The following TPCN2 variants were observed in gnomAD, a reference collection of about 807,000 sequenced individuals.
The protein encoded by TPCN2 is two pore channel protein 2.
TPCN2 carries 92 observed loss-of-function variants against 111.4 expected under a neutral mutation model. The ratio of observed to expected loss-of-function variants is 0.83; its 90% confidence interval spans 0.70 to 0.98. The LOEUF is 0.98. Ranked by LOEUF, TPCN2 falls within the 50% of genes least tolerant of loss-of-function variation. The pLI is 0.00. For synonymous variants in TPCN2, 405 were observed against 414.5 expected (o/e 0.98, Z 0.28); for missense variants, 995 against 980.1 (o/e 1.02, Z -0.20).
rs1208370418 is a variant in TPCN2 at position 69,071,439 on chromosome 11, G to T, written c.960+19G>T. 6.2e-7 allele frequency: 1 copy of T among 1,607,542 alleles called. No individual in the cohort carries two copies. The highest frequency in any genetic ancestry group is 1.1e-5 in the South Asian group (1 of 90,078). On this transcript the variant is annotated intron_variant, in intron 10 of 24. Coordinates refer to ENST00000294309, the MANE Select transcript of TPCN2 (RefSeq NM_139075.4). ...CCTGATGGTGAGCGAGCTCCCCAAT[G>T]CTGGCTGTGCCTGGAGCTGCCGGGA...
At chr11:69,050,672 C>T (rs1294438165) in intron 1 of TPCN2, among the ~76,000 whole-genome samples, 1 of 152,250 alleles carries the variant, frequency 6.6e-6, no homozygotes, top group Non-Finnish European at 1.5e-5. Context: ...GCCACTGTGC[C>T]TGGCCATGCT....
At position 69,085,206 on chromosome 11, in the gene TPCN2, C is replaced by A. The variant is rs140673036; in HGVS notation, c.1762-4C>A. 5,528 of 1,614,006 alleles carry A rather than the reference C, an allele frequency of 3.4e-3. 10 individuals are homozygous for A. The highest frequency in any genetic ancestry group is 4.6e-3 in the Middle Eastern group (28 of 6,058). ...TGATCAGTCCCCGGCTCCTGGCCCG[C>A]CAGGTGGTCTACTACGTATTTGCCA... On this transcript the variant is annotated splice_region_variant and splice_polypyrimidine_tract_variant and intron_variant, in intron 19 of 24. Coordinates refer to ENST00000294309, the MANE Select transcript of TPCN2 (RefSeq NM_139075.4).
chr11:69,077,546 G>T (rs866420600), intron 13 of TPCN2, among the ~76,000 whole-genome samples: 2 of 152,276 alleles, frequency 1.3e-5, no homozygotes, highest in South Asian at 2.1e-4. Context: ...ACCAGTTTGG[G>T]TCTCACTGGA....
chr11:69,071,801 A>C, intron 10 of TPCN2, 122 bp from the exon 11 acceptor site: 6 of 851,588 alleles, frequency 7.0e-6, no homozygotes, highest in Non-Finnish European at 9.4e-6. Flanking sequence ...GCTGTGGGGA[A>C]CTGGGCCCCC....
chr11:69,065,097 G>A (rs1275223779), intron 7 of TPCN2, among the ~76,000 whole-genome samples: 1 of 151,804 alleles, frequency 6.6e-6, no homozygotes, highest in African/African-American at 2.4e-5. Context: ...ATGTCTCTGC[G>A]TGCGTGGTGT....
chr11:69,066,355 C>T (rs1855273605), intron 7 of TPCN2, among the ~76,000 whole-genome samples: 1 of 152,190 alleles, frequency 6.6e-6, no homozygotes, highest in Admixed American at 6.5e-5. Context: ...CCTAGCTCTC[C>T]CCAGCAGGGG....
chr11:69,062,101 T>A (rs1353483251), intron 5 of TPCN2, among the ~76,000 whole-genome samples: 1 of 152,028 alleles, frequency 6.6e-6, no homozygotes, highest in Non-Finnish European at 1.5e-5. Context: ...AAGCATCCAC[T>A]CATGGCAGAA....
rs1388958284 is a variant in TPCN2, at chr11:69,083,964, GTAC to G, written c.1710_1712del (p.Thr571del). On this transcript the variant is annotated inframe_deletion, in exon 19 of 25. Coordinates refer to ENST00000294309, the MANE Select transcript of TPCN2 (RefSeq NM_139075.4). ...CCTCAGCTGATGGCCGTGGTGGCCA[GTAC>G]CGTCCTGGGCCTGGTGCAGAACATG... 1 of 1,614,212 alleles carries G rather than the reference GTAC, an allele frequency of 6.2e-7. No homozygotes were observed.
intron 7 of TPCN2, among the ~76,000 whole-genome samples, chr11:69,064,952 CATGTGTAGTGTCTGT>C (rs1481083121): frequency 8.3e-6 from 1 of 120,700 alleles, no homozygotes; most frequent in East Asian, 2.2e-4. Context: ...TGTATGTGTG[CATGTGTAGTGTCTGT>C]GCATGGTGTC....
chr11:69,082,855 A>G, intron 18 of TPCN2, among the ~76,000 whole-genome samples: 1 of 132,668 alleles, frequency 7.5e-6, no homozygotes, highest in East Asian at 2.2e-4. Flanking sequence ...ATCCATGTGA[A>G]CTCGTGCCCG....
At chr11:69,084,087 G>T (rs1856162780) in intron 19 of TPCN2, 71 bp downstream of exon 19, 2 of 1,484,414 alleles carry the variant, frequency 1.3e-6, no homozygotes, top group Non-Finnish European at 1.9e-6. Flanking sequence ...GCGGAAGGCA[G>T]TGCCGGGCCG....
chr11:69,085,397 T>A, intron 20 of TPCN2, 111 bp downstream of exon 20: 1 of 1,116,710 alleles, frequency 9.0e-7, no homozygotes, highest in Non-Finnish European at 1.4e-6. Flanking sequence ...GAGGGTGTTC[T>A]CCCAGTTCCT....
intron 1 of TPCN2, among the ~76,000 whole-genome samples, chr11:69,051,953 T>C (rs947427031): frequency 1.8e-4 from 28 of 152,046 alleles, no homozygotes; most frequent in Non-Finnish European, 2.1e-4. Context: ...GGGCCTGGAA[T>C]AGTGGGGGCC....
Position 69,087,882 on chromosome 11 carries a change from C to T in TPCN2, c.2188C>T (p.Leu730=). The change falls in exon 25 of 25, where the codon CTG becomes TTG. Residue 730 remains leucine (L), a synonymous_variant. Coordinates refer to ENST00000294309, the MANE Select transcript of TPCN2 (RefSeq NM_139075.4). ...CTTTCCTCAATTCCACAGGGATATT[C>T]TGGAGGAGCCCGGGGAGGATGAGCT... is the stretch of plus-strand genomic sequence containing the variant. ...MTVELLFRDI[L]EEPGEDELTE... 1 of 1,612,772 alleles carries T rather than the reference C, an allele frequency of 6.2e-7. No individual in the cohort carries two copies. Among genetic ancestry groups the T allele is most frequent in the Non-Finnish European group, 8.5e-7 (1 of 1,179,804 alleles).
chr11:69,089,994 A>G lies in TPCN2; in HGVS notation c.*2041A>G. ...CAAAAAGATGTTCAAGCCTTATTTT[A>G]TACTTGCCTGCCCCTTTCTCTTTCA... is the stretch of plus-strand genomic sequence containing the variant. On this transcript the variant is annotated 3_prime_UTR_variant, in exon 25 of 25. Coordinates refer to ENST00000294309, the MANE Select transcript of TPCN2 (RefSeq NM_139075.4). The G allele has an allele frequency of 6.6e-6, 1 of 152,044 alleles. No individual in the cohort carries two copies. Among genetic ancestry groups the G allele is most frequent in the East Asian group, 1.9e-4 (1 of 5,176 alleles). The allele number at this position is 152,044 out of a possible 1,614,324, so 9.4% of individuals were successfully genotyped here. A position where few individuals can be genotyped will look rare whatever the true frequency, so the allele number is the denominator to read the frequency against.
In TPCN2 at chr11:69,048,966, C is replaced by G. The variant is rs1590695961; in HGVS notation, c.-32C>G. ...CTGGGCGCCTTCGGGGCTTGAGCTT[C>G]TGAGGGTCGGGTCCAGCGCGTGGGC... On this transcript the variant is annotated 5_prime_UTR_variant, in exon 1 of 25. Transcript: ENST00000294309. 1.6e-5 allele frequency: 19 copies of G among 1,222,424 alleles called. No individual in the cohort carries two copies. In the East Asian group the frequency reaches 6.0e-4, roughly 39 times the overall value. The allele number at this position is 1,222,424 out of a possible 1,614,324, so 75.7% of individuals were successfully genotyped here.
chr11:69,058,839 C>G (rs1854892607), intron 5 of TPCN2, among the ~76,000 whole-genome samples: 1 of 152,270 alleles, frequency 6.6e-6, no homozygotes, highest in Non-Finnish European at 1.5e-5. Flanking sequence ...GAGGATAGCC[C>G]TCCCACCGCC....
At chr11:69,079,584 G>A (rs1412627928) in intron 16 of TPCN2, 4 of 494,354 alleles carry the variant, frequency 8.1e-6, no homozygotes, top group East Asian at 6.8e-5. Context: ...CCTTGACTCA[G>A]TATCTTCTCT....
At chr11:69,072,819 C>T (rs955317932) in intron 12 of TPCN2, 96 bp from the exon 13 acceptor site, 1 of 1,527,308 alleles carries the variant, frequency 6.5e-7, no homozygotes, top group Admixed American at 1.7e-5. Flanking sequence ...GCAGCATTCA[C>T]AGCCCGTCAG....
Sources: gnomAD v4.1 joint callset for allele counts (sites outside exome capture counted in the v4.1 genomes callset) on GRCh38, gnomAD v4.1.1 for gene constraint, MANE v1.5 for transcripts, NCBI Gene and HGNC (gene_info 2026-07-23, HGNC 2026-07-21) for gene names.